Variants in FRMPD3 observed in about 807,000 individuals in gnomAD.
FRMPD3 encodes FERM and PDZ domain containing 3.
In FRMPD3, 42 loss-of-function variants were observed where a neutral mutation model predicts 97.9. The ratio of observed to expected loss-of-function variants is 0.43; its 90% CI spans 0.34 to 0.55. FRMPD3 has a LOEUF of 0.55. Among genes scored for constraint, FRMPD3 ranks in the 20% least tolerant of loss-of-function variants. The pLI is 0.03. For synonymous variants in FRMPD3, 577 were observed against 581.1 expected (o/e 0.99, Z 0.10); for missense variants, 1,303 against 1,457.7 (o/e 0.89, Z 1.73).
chrX:107,565,108 C>A (rs1922544399), intron 12 of FRMPD3, 42 bp downstream of exon 12: 20 of 1,071,906 alleles, frequency 1.9e-5, no homozygotes, highest in Non-Finnish European at 2.5e-5. Context: ...TAGGAACAGG[C>A]CTTGGGAATA....
intron 1 of FRMPD3, among the ~76,000 whole-genome samples, chrX:107,487,660 A>G (rs915531141): frequency 1.2e-4 from 13 of 111,610 alleles, no homozygotes; most frequent in Non-Finnish European, 2.3e-4. Flanking sequence ...TTCCACTTGA[A>G]TATTGATGCC....
chrX:107,576,983 G>T (rs1027511100), intron 13 of FRMPD3, among the ~76,000 whole-genome samples: 4 of 109,238 alleles, frequency 3.7e-5, no homozygotes, highest in African/African-American at 1.3e-4. Flanking sequence ...CCAGTAGTTT[G>T]CTCTCCTCAC....
At position 107,581,315 on chromosome X, in the gene FRMPD3, T is replaced by C. The variant is rs1331201472; in HGVS notation, c.1441+4856T>C. 2.7e-5 allele frequency among the ~76,000 whole-genome samples: 3 copies of C among 110,605 alleles called. No homozygotes were observed. In the Admixed American group the frequency reaches 2.9e-4, roughly 11 times the overall value. On this transcript the variant is annotated intron_variant, in intron 13 of 14. Coordinates refer to ENST00000683843, the MANE Select transcript of FRMPD3 (RefSeq NM_001388459.1). ...TGGTAGAGACAGGGTTTCACCATGT[T>C]GGCCAGGCTGGTCTCAAACTCCTGA...
In FRMPD3 at chrX:107,603,837, C is replaced by T. The variant is rs867120006; in HGVS notation, c.*464C>T. The stretch of plus-strand genomic sequence containing the variant: ...ACATTGCCGTGCCGAGGGGAGAGGG[C>T]GCTCAGTCCAGATGTCCCCATCCAC... On this transcript the variant is annotated 3_prime_UTR_variant, in exon 15 of 15. Transcript: ENST00000683843. 13 of 121,813 alleles carry T rather than the reference C, an allele frequency of 1.1e-4. No homozygotes were observed. Among genetic ancestry groups the T allele is most frequent in the Non-Finnish European group, 1.9e-4 (11 of 59,082 alleles). The allele number at this position is 121,813 out of a possible 1,213,427, so 10.0% of individuals were successfully genotyped here. A position where few individuals can be genotyped will look rare whatever the true frequency, so the allele number is the denominator to read the frequency against.
chrX:107,605,092 C>T lies in FRMPD3; in HGVS notation c.*1719C>T, dbSNP rs986743092. 2 of 110,624 alleles carry T rather than the reference C, an allele frequency of 1.8e-5. No individual in the cohort carries two copies. Among genetic ancestry groups the T allele is most frequent in the African/African-American group, 6.6e-5 (2 of 30,340 alleles). 9.1% of individuals were successfully genotyped at this position (110,624 alleles called of 1,213,427 possible). On this transcript the variant is annotated 3_prime_UTR_variant, in exon 15 of 15. Coordinates refer to ENST00000683843, the MANE Select transcript of FRMPD3 (RefSeq NM_001388459.1). ...TCAGCCCCTGCCTGTGTCATTCCAC[C>T]GCCATCCTTCACCTCTCCCTCAGCC...
intron 4 of FRMPD3, among the ~76,000 whole-genome samples, chrX:107,535,846 C>T (rs936099125): frequency 9.1e-5 from 10 of 110,374 alleles, no homozygotes; most frequent in Non-Finnish European, 1.7e-4. Flanking sequence ...TGTTATTATA[C>T]GTTGCATGCC....
intron 1 of FRMPD3, among the ~76,000 whole-genome samples, chrX:107,523,983 C>T (rs1010987172): frequency 3.6e-5 from 4 of 112,281 alleles, no homozygotes; most frequent in Non-Finnish European, 7.5e-5. Flanking sequence ...TTCTGCAGCA[C>T]ACCTGTGTCT....
intron 1 of FRMPD3, among the ~76,000 whole-genome samples, chrX:107,525,892 A>G (rs1269439604): frequency 9.0e-6 from 1 of 110,544 alleles, no homozygotes; most frequent in African/African-American, 3.3e-5. Context: ...CCTGGCCAAC[A>G]TGGCGAAACC....
In FRMPD3 at chrX:107,532,586, A is replaced by G. The variant is rs146901852; in HGVS notation, c.252-919A>G. Among the ~76,000 whole-genome samples, 817 of 112,174 alleles carry G rather than the reference A, an allele frequency of 7.3e-3. 3 individuals carry two copies. The highest frequency in any genetic ancestry group is 0.018 in the Middle Eastern group (4 of 218). On this transcript the variant is annotated intron_variant, in intron 3 of 14. Coordinates refer to ENST00000683843, the MANE Select transcript of FRMPD3 (RefSeq NM_001388459.1). The stretch of plus-strand genomic sequence containing the variant: ...TTTTCTTTAGTATTTTTCCTGGAGA[A>G]TAACTCTTTACTTCTGGTAACTTCC...
rs1386044137 is a variant in FRMPD3 at position 107,564,751 on chromosome X, G to A, written c.1117-136G>A. The A allele has an allele frequency of 4.8e-6, 3 of 625,467 alleles. No homozygotes were observed. In the African/African-American group the frequency reaches 6.7e-5, roughly 14 times the overall value. 51.5% of individuals were successfully genotyped at this position (625,467 alleles called of 1,213,427 possible). On this transcript the variant is annotated intron_variant, in intron 11 of 14. Transcript: ENST00000683843. ...ATTTTCCCCTCCAGGTTGTCCTACT[G>A]TGGCACTGAGCCCCAGATATTTTCA...
At chrX:107,478,341 G>A (rs1432136121) in intron 1 of FRMPD3, among the ~76,000 whole-genome samples, 1 of 111,255 alleles carries the variant, frequency 9.0e-6, no homozygotes, top group African/African-American at 3.3e-5. Flanking sequence ...TACATATAAG[G>A]AAACTGAGGC....
At chrX:107,545,684 G>A in intron 4 of FRMPD3, 53 bp from the exon 5 acceptor site, 1 of 1,023,297 alleles carries the variant, frequency 9.8e-7, no homozygotes, top group South Asian at 2.0e-5. Flanking sequence ...CGTGACAAAG[G>A]TTAGGCTTTC....
intron 1 of FRMPD3, among the ~76,000 whole-genome samples, chrX:107,496,630 T>C (rs16985201): frequency 0.18 from 19,976 of 111,666 alleles, 4,049 homozygotes; most frequent in African/African-American, 0.59. Context: ...TGTGTCTGAC[T>C]GTGCATTCCA....
intron 1 of FRMPD3, among the ~76,000 whole-genome samples, chrX:107,520,926 A>C (rs1226593678): frequency 1.8e-5 from 2 of 112,166 alleles, no homozygotes; most frequent in African/African-American, 6.5e-5. Flanking sequence ...GAGCATAGTA[A>C]GTCCTCAATA....
chrX:107,594,384 A>G (rs1384547050), intron 13 of FRMPD3, among the ~76,000 whole-genome samples: 7 of 111,570 alleles, frequency 6.3e-5, no homozygotes, highest in African/African-American at 1.6e-4. Context: ...TGGCTCTTTT[A>G]GTTATTTTTA....
chrX:107,464,175 T>G (rs1266996197), intron 1 of FRMPD3, among the ~76,000 whole-genome samples: 1 of 111,499 alleles, frequency 9.0e-6, no homozygotes, highest in Non-Finnish European at 1.9e-5. Flanking sequence ...ATTCACTGCC[T>G]CCCAAGGTAG....
intron 13 of FRMPD3, among the ~76,000 whole-genome samples, chrX:107,587,769 A>G (rs1923723315): frequency 9.0e-6 from 1 of 111,639 alleles, no homozygotes; most frequent in Non-Finnish European, 1.9e-5. Flanking sequence ...AGAATGTTGA[A>G]TATTGGTCCT....
chrX:107,574,271 C>G (rs1389752473), intron 12 of FRMPD3, among the ~76,000 whole-genome samples: 1 of 108,498 alleles, frequency 9.2e-6, no homozygotes, highest in African/African-American at 3.4e-5. Context: ...GAGACCCTGT[C>G]TCTATTGAAA....
chrX:107,511,877 G>A (rs945435771), intron 1 of FRMPD3, among the ~76,000 whole-genome samples: 3 of 112,054 alleles, frequency 2.7e-5, no homozygotes, highest in Non-Finnish European at 5.6e-5. Flanking sequence ...CTGTGCCAGG[G>A]CTCTGCAGCC....
Sources: gnomAD v4.1 joint callset for allele counts (sites outside exome capture counted in the v4.1 genomes callset) on GRCh38, gnomAD v4.1.1 for gene constraint, MANE v1.5 for transcripts, NCBI Gene and HGNC (gene_info 2026-07-23, HGNC 2026-07-21) for gene names.